Variants in MTMR3 observed in about 807,000 individuals in gnomAD.
MTMR3 encodes phosphatidylinositol-3,5-bisphosphate 3-phosphatase MTMR3.
In MTMR3, 32 loss-of-function variants were observed where a neutral mutation model predicts 132.4. That is an observed-to-expected ratio of 0.24 (90% CI 0.18 to 0.32). The LOEUF (loss-of-function observed/expected upper bound fraction) is 0.32. Ranked by LOEUF, MTMR3 falls within the 10% of genes least tolerant of loss-of-function variation. The pLI is 1.00. For synonymous variants in MTMR3, 556 were observed against 550.3 expected (o/e 1.01, Z -0.14); for missense variants, 1,216 against 1,489.6 (o/e 0.82, Z 3.02).
chr22:29,955,775 G>A (rs2066176756), intron 1 of MTMR3, among the ~76,000 whole-genome samples: 1 of 151,482 alleles, frequency 6.6e-6, no homozygotes, highest in South Asian at 2.1e-4. Context: ...TTTTTGAGAT[G>A]GAATCTCACA....
At chr22:29,948,875 C>CT (rs1322160228) in intron 1 of MTMR3, among the ~76,000 whole-genome samples, 1 of 151,136 alleles carries the variant, frequency 6.6e-6, no homozygotes, top group Non-Finnish European at 1.5e-5. Flanking sequence ...GAGGCTGAGG[C>CT]AGGAGGATTG....
chr22:29,952,189 G>A (rs1478796102), intron 1 of MTMR3, among the ~76,000 whole-genome samples: 1 of 152,164 alleles, frequency 6.6e-6, no homozygotes, highest in African/African-American at 2.4e-5. Context: ...TTGGAGTTCA[G>A]CTTGGATTCT....
rs1231648648 is a variant in MTMR3, at chr22:29,979,005, C to G, written c.163C>G (p.Leu55Val). The G allele has an allele frequency of 3.1e-6, 5 of 1,613,926 alleles. No individual in the cohort carries two copies. Reference protein sequence around the residue: ...VGRAEDAIIALSNYRLHIKFK... With the variant: ...VGRAEDAIIAVSNYRLHIKFK... ...CCGTGCCGAGGATGCCATCATTGCC[C>G]TTTCCAATTACAGACTTCACATCAA... The change falls in exon 5 of 20, where the codon CTT (leucine) becomes GTT (valine). Residue 55 changes from leucine to valine, a missense_variant. This residue lies in a region of MTMR3 where 81 missense variants were observed against 87.7 expected (regional missense o/e 0.92). Coordinates refer to ENST00000401950, the MANE Select transcript of MTMR3 (RefSeq NM_021090.4).
chr22:29,955,145 A>T (rs561655738), intron 1 of MTMR3, among the ~76,000 whole-genome samples: 1 of 152,186 alleles, frequency 6.6e-6, no homozygotes, highest in East Asian at 1.9e-4. Flanking sequence ...GTGTACTGCT[A>T]TGCCCAGCTT....
Position 30,004,502 on chromosome 22 carries a change from A to G in MTMR3, c.671+1509A>G, listed in dbSNP as rs143372603. 6.7e-3 allele frequency: 1,023 copies of G among 152,234 alleles called. 17 individuals are homozygous for G. Among genetic ancestry groups the G allele is most frequent in the African/African-American group, 0.024 (984 of 41,534 alleles). The allele number at this position is 152,234 out of a possible 1,614,324, so 9.4% of individuals were successfully genotyped here. A position where few individuals can be genotyped will look rare whatever the true frequency, so the allele number is the denominator to read the frequency against. On this transcript the variant is annotated intron_variant, in intron 9 of 19. Transcript: ENST00000401950. The stretch of plus-strand genomic sequence containing the variant: ...CTAAATTTTATTCTAGAGGGCATGC[A>G]CCTTCTAAAATTAATTCTAGAGGGC...
chr22:29,980,760 A>G (rs1246785743), intron 5 of MTMR3: 1 of 152,234 alleles, frequency 6.6e-6, no homozygotes, highest in African/African-American at 2.4e-5. Context: ...TCTGCTGGAA[A>G]GCAAGCAGGA....
chr22:29,983,008 A>G (rs945303672), intron 5 of MTMR3: 4 of 149,532 alleles, frequency 2.7e-5, no homozygotes, highest in African/African-American at 7.4e-5. Flanking sequence ...CTGCTTCTCA[A>G]TCTGCTGCTT....
intron 1 of MTMR3, among the ~76,000 whole-genome samples, chr22:29,943,163 C>T (rs1204880228): frequency 6.6e-6 from 1 of 152,020 alleles, no homozygotes; most frequent in South Asian, 2.1e-4. Context: ...GGGTCCCTGA[C>T]TTTCCGCAAC....
intron 12 of MTMR3, 37 bp from the exon 13 acceptor site, chr22:30,012,331 A>C (rs771087834): frequency 6.3e-7 from 1 of 1,591,876 alleles, no homozygotes; most frequent in Non-Finnish European, 8.6e-7. Flanking sequence ...AAATCATAAA[A>C]AAATCAGCAT....
At chr22:29,946,021 T>TGTGTGTGTG (rs1602533546) in intron 1 of MTMR3, among the ~76,000 whole-genome samples, 14 of 150,894 alleles carry the variant, frequency 9.3e-5, no homozygotes, top group African/African-American at 3.4e-4. Context: ...GTGTATATAT[T>TGTGTGTGTG]TGTGTGTGTG....
chr22:29,978,266 A>G lies in MTMR3; in HGVS notation c.4-176A>G, dbSNP rs144666274. On this transcript the variant is annotated intron_variant, in intron 3 of 19. Transcript: ENST00000401950. ...ATCAATGTGTTTTCAGACTAGATGT[A>G]ACTAATGTATTGGATAGAAAAACTT... 877 of 459,358 alleles carry G rather than the reference A, an allele frequency of 1.9e-3. 7 individuals carry two copies. The highest frequency in any genetic ancestry group is 0.015 in the African/African-American group (786 of 51,366). The allele number at this position is 459,358 out of a possible 1,614,324, so 28.5% of individuals were successfully genotyped here.
intron 1 of MTMR3, among the ~76,000 whole-genome samples, chr22:29,900,013 A>G (rs2064974481): frequency 6.6e-6 from 1 of 152,234 alleles, no homozygotes; most frequent in South Asian, 2.1e-4. Context: ...TTCTCTTCAT[A>G]TGTGAATACA....
At chr22:29,914,794 T>C (rs950796332) in intron 1 of MTMR3, among the ~76,000 whole-genome samples, 2 of 152,180 alleles carry the variant, frequency 1.3e-5, no homozygotes, top group Admixed American at 6.5e-5. Flanking sequence ...CCTTTTTGTA[T>C]ATACTGTGAA....
At chr22:29,904,379 G>A (rs989187326) in intron 1 of MTMR3, among the ~76,000 whole-genome samples, 1 of 152,234 alleles carries the variant, frequency 6.6e-6, no homozygotes. Flanking sequence ...AATAGTACTT[G>A]AGTCCAGACA....
chr22:30,023,728 C>T (rs901915236), intron 19 of MTMR3: 50 of 525,770 alleles, frequency 9.5e-5, no homozygotes, highest in Middle Eastern at 5.1e-4. Flanking sequence ...TTGCTTGTGA[C>T]GAGAAGTAGT....
chr22:29,965,685 A>AAAAAC (rs1215934384), intron 2 of MTMR3, among the ~76,000 whole-genome samples: 9 of 152,208 alleles, frequency 5.9e-5, no homozygotes, highest in South Asian at 2.1e-4. Flanking sequence ...ACTCTGTCTC[A>AAAAAC]AAAACAAAAC....
chr22:30,007,866 C>G, intron 10 of MTMR3, 35 bp from the exon 11 acceptor site: 1 of 1,610,476 alleles, frequency 6.2e-7, no homozygotes, highest in African/African-American at 1.3e-5. Context: ...GAGAGACAGG[C>G]TCATTTAGTA....
At chr22:30,012,345 C>T (rs745980015) in intron 12 of MTMR3, 23 bp from the exon 13 acceptor site, 1 of 1,600,686 alleles carries the variant, frequency 6.2e-7, no homozygotes, top group Non-Finnish European at 8.5e-7. Context: ...TCAGCATTTT[C>T]TAATCCTCTC....
At chr22:29,969,376 G>A (rs896256827) in intron 2 of MTMR3, among the ~76,000 whole-genome samples, 1 of 152,084 alleles carries the variant, frequency 6.6e-6, no homozygotes, top group Non-Finnish European at 1.5e-5. Context: ...TCCAGAATCA[G>A]TAACATCCCA....
Sources: allele counts gnomAD v4.1 joint callset (sites outside exome capture counted in the v4.1 genomes callset), GRCh38; gene constraint gnomAD v4.1.1; regional missense constraint gnomAD v4.1.1; transcripts MANE v1.5; gene names NCBI Gene and HGNC (gene_info 2026-07-23, HGNC 2026-07-21).